The following FPR2 variants were observed in gnomAD, a reference collection of about 807,000 sequenced individuals.
FPR2 encodes N-formyl peptide receptor 2.
Under a neutral mutation model 4.0 loss-of-function variants are expected in FPR2, and 3 were observed. The ratio of observed to expected loss-of-function variants is 0.74; its 90% CI spans 0.34 to 1.92. The LOEUF (loss-of-function observed/expected upper bound fraction) is 1.92. Among genes scored for constraint, FPR2 ranks in the 30% most tolerant of loss-of-function variants. The pLI, the probability that FPR2 is intolerant of heterozygous loss-of-function variation, is 0.07. For missense variants in FPR2, 372 were observed against 435.7 expected, an observed-to-expected ratio of 0.85 and a Z score of 1.30; for synonymous variants, 179 against 171.5, an observed-to-expected ratio of 1.04 and a Z score of -0.34.
intron 1 of FPR2, among the ~76,000 whole-genome samples, chr19:51,764,136 T>C (rs2122355342): frequency 6.6e-6 from 1 of 152,240 alleles, no homozygotes; most frequent in African/African-American, 2.4e-5. Flanking sequence ...CTAGTAGAAA[T>C]AAAATCTTGA....
rs1487355072 is a variant in FPR2, at chr19:51,770,346, T to G, written c.*632T>G. On this transcript the variant is annotated 3_prime_UTR_variant, in exon 2 of 2. Coordinates refer to ENST00000340023, the MANE Select transcript of FPR2 (RefSeq NM_001005738.2). Reference sequence around the variant, plus strand: ...TCTCACAGGAGTTGGTTAGAATTTCTGTGTTTATGTTTATATACTGTTATT... The same window carrying G: ...TCTCACAGGAGTTGGTTAGAATTTCGGTGTTTATGTTTATATACTGTTATT... The G allele has an allele frequency of 6.0e-6, 1 of 167,164 alleles. No homozygotes were observed. Among genetic ancestry groups the G allele is most frequent in the Non-Finnish European group, 1.5e-5 (1 of 68,152 alleles). 10.4% of individuals were successfully genotyped at this position (167,164 alleles called of 1,614,324 possible).
chr19:51,765,740 C>G (rs2083864482), intron 1 of FPR2, among the ~76,000 whole-genome samples: 1 of 152,168 alleles, frequency 6.6e-6, no homozygotes, highest in African/African-American at 2.4e-5. Context: ...TATACTCAGT[C>G]TAGCCTAAAA....
Position 51,769,501 on chromosome 19 carries a change from C to T in FPR2, c.843C>T (p.Asp281=), listed in dbSNP as rs201896254. 9.3e-6 allele frequency: 15 copies of T among 1,614,200 alleles called. No individual in the cohort carries two copies. Among genetic ancestry groups the T allele is most frequent in the Non-Finnish European group, 1.1e-5 (13 of 1,180,042 alleles). Residue 281 remains aspartate, a synonymous_variant, in exon 2 of 2, where the codon GAC becomes GAT. Transcript: ENST00000340023. The surrounding 1 kb of genome is among the most constrained non-coding windows in gnomAD (Gnocchi z 4.4). ...MLFYGKYKII[D]ILVNPTSSLA... ...TCTATGGCAAGTACAAAATCATTGA[C>T]ATCCTGGTTAACCCAACGAGCTCCC...
At chr19:51,768,125 C>T (rs2083878014) in intron 1 of FPR2, among the ~76,000 whole-genome samples, 1 of 152,158 alleles carries the variant, frequency 6.6e-6, no homozygotes, top group Admixed American at 6.5e-5. Flanking sequence ...CAACAATAAC[C>T]TCAAGCCAAA....
rs2083888538 is a variant in FPR2, at chr19:51,769,442, C to A, written c.784C>A (p.Leu262Ile). 6.2e-7 allele frequency: 1 copy of A among 1,614,108 alleles called. No homozygotes were observed. The highest frequency in any genetic ancestry group is 1.3e-5 in the African/African-American group (1 of 74,928). The change falls in exon 2 of 2, where the codon CTT becomes ATT. Residue 262 changes from leucine to isoleucine, a missense_variant. Transcript: ENST00000340023. This position sits in a 1 kb window ranked among gnomAD's most constrained non-coding sequence, Gnocchi z 4.4. ...ICWFPFQLVA[L>I]LGTVWLKEML... is the part of the protein sequence containing the mutation. Reference sequence around the variant, plus strand: ...TTGGTTTCCCTTTCAACTGGTTGCCCTTCTGGGCACCGTCTGGCTCAAAGA... The same window carrying A: ...TTGGTTTCCCTTTCAACTGGTTGCCATTCTGGGCACCGTCTGGCTCAAAGA...
intron 1 of FPR2, among the ~76,000 whole-genome samples, chr19:51,764,337 C>T (rs1027927656): frequency 2.6e-5 from 4 of 152,062 alleles, no homozygotes; most frequent in African/African-American, 9.7e-5. Context: ...CTAGTTATTA[C>T]CATTTTCTCA....
At chr19:51,764,192 G>T (rs570336367) in intron 1 of FPR2, among the ~76,000 whole-genome samples, 36 of 152,338 alleles carry the variant, frequency 2.4e-4, no homozygotes, top group African/African-American at 7.7e-4. Flanking sequence ...CAGGGGGAAA[G>T]TTTGTGGGAA....
At chr19:51,765,240 G>C (rs2083861984) in intron 1 of FPR2, among the ~76,000 whole-genome samples, 1 of 152,178 alleles carries the variant, frequency 6.6e-6, no homozygotes, top group South Asian at 2.1e-4. Flanking sequence ...AGGAACTATG[G>C]GGTGGAAAAG....
chr19:51,761,933 G>A (rs2083840659), intron 1 of FPR2, among the ~76,000 whole-genome samples: 1 of 152,162 alleles, frequency 6.6e-6, no homozygotes, highest in Non-Finnish European at 1.5e-5. Context: ...GTTATGGGTG[G>A]AGCCCAGTGT....
chr19:51,764,471 TA>T (rs2083858403), intron 1 of FPR2, among the ~76,000 whole-genome samples: 1 of 151,960 alleles, frequency 6.6e-6, no homozygotes, highest in Non-Finnish European at 1.5e-5. Flanking sequence ...AGAAGTAGAG[TA>T]ACCTAATGAG....
chr19:51,767,582 A>T (rs2083875011), intron 1 of FPR2, among the ~76,000 whole-genome samples: 1 of 152,110 alleles, frequency 6.6e-6, no homozygotes, highest in South Asian at 2.1e-4. Flanking sequence ...CTGCAGGGTG[A>T]GTAACTAAAC....
In FPR2 at chr19:51,769,317, G is replaced by A. The variant is rs2083887406; in HGVS notation, c.659G>A (p.Cys220Tyr). The change falls in exon 2 of 2, where the codon TGC (cysteine) becomes TAC (tyrosine). Residue 220 changes from cysteine (C) to tyrosine (Y), a missense_variant. Physicochemically the swap from Cys to Tyr is radical, Grantham distance 194 (BLOSUM62 -2). Coordinates refer to ENST00000340023, the MANE Select transcript of FPR2 (RefSeq NM_001005738.2). The surrounding 1 kb of genome is among the most constrained non-coding windows in gnomAD (Gnocchi z 4.4). ...FSLPMSIVAI[C>Y]YGLIAAKIHK... ...TTGCCGATGTCCATTGTTGCCATCTGCTATGGGCTCATTGCAGCCAAGATC... is the reference window on the plus strand; with the variant it reads ...TTGCCGATGTCCATTGTTGCCATCTACTATGGGCTCATTGCAGCCAAGATC... 6.2e-7 allele frequency: 1 copy of A among 1,614,056 alleles called. No homozygotes were observed. Among genetic ancestry groups the A allele is most frequent in the African/African-American group, 1.3e-5 (1 of 74,908 alleles).
chr19:51,769,435 G>A lies in FPR2; in HGVS notation c.777G>A (p.Leu259=). The A allele has an allele frequency of 6.2e-7, 1 of 1,614,144 alleles. No individual in the cohort carries two copies. Among genetic ancestry groups the A allele is most frequent in the Non-Finnish European group, 8.5e-7 (1 of 1,180,028 alleles). Residue 259 remains leucine, a synonymous_variant, in exon 2 of 2, where the codon CTG becomes CTA. Transcript: ENST00000340023. The surrounding 1 kb of genome is among the most constrained non-coding windows in gnomAD (Gnocchi z 4.4). ...TCATCTGTTGGTTTCCCTTTCAACT[G>A]GTTGCCCTTCTGGGCACCGTCTGGC... ...SFFICWFPFQ[L]VALLGTVWLK...
intron 1 of FPR2, among the ~76,000 whole-genome samples, chr19:51,762,055 G>A (rs1315083871): frequency 1.3e-5 from 2 of 149,736 alleles, no homozygotes; most frequent in Non-Finnish European, 3.0e-5. Context: ...ATTAGAAGGT[G>A]TTGAAAATAG....
chr19:51,764,948 T>C (rs1284353536), intron 1 of FPR2, among the ~76,000 whole-genome samples: 1 of 152,110 alleles, frequency 6.6e-6, no homozygotes, highest in Admixed American at 6.6e-5. Flanking sequence ...TGCCTCAGCC[T>C]CCCAAGTAAC....
chr19:51,768,760 G>A lies in FPR2; in HGVS notation c.102G>A (p.Gly34=), dbSNP rs368792026. The change falls in exon 2 of 2, where the codon GGG becomes GGA. Residue 34 remains glycine, a synonymous_variant. Transcript: ENST00000340023. ...GGATCCTCCCATTGGTGGTGCTTGG[G>A]GTCACCTTTGTCCTCGGGGTCCTGG... The part of the protein sequence containing the change: ...VLRILPLVVL[G]VTFVLGVLGN... 17 of 1,613,958 alleles carry A rather than the reference G, an allele frequency of 1.1e-5. No individual in the cohort carries two copies. The highest frequency in any genetic ancestry group is 1.3e-5 in the African/African-American group (1 of 74,886).
chr19:51,769,026 G>A lies in FPR2; in HGVS notation c.368G>A (p.Arg123His), dbSNP rs762976630. Residue 123 changes from arginine to histidine, a missense_variant, in exon 2 of 2, where the codon CGC (arginine) becomes CAC (histidine). By Grantham distance (29) the Arg-to-His change is conservative. Transcript: ENST00000340023. The surrounding 1 kb of genome is among the most constrained non-coding windows in gnomAD (Gnocchi z 4.4). ...VFLIGFIALD[R>H]CICVLHPVWA... ...TTGATTGGTTTCATTGCACTGGACC[G>A]CTGCATTTGTGTCCTGCATCCAGTC... The A allele has an allele frequency of 1.6e-5, 26 of 1,614,182 alleles. No individual in the cohort carries two copies. The highest frequency in any genetic ancestry group is 1.1e-4 in the African/African-American group (8 of 75,034).
Position 51,769,178 on chromosome 19 carries a change from A to G in FPR2, c.520A>G (p.Thr174Ala). The change falls in exon 2 of 2, where the codon ACA (threonine) becomes GCA (alanine). Residue 174 changes from threonine to alanine, a missense_variant. By Grantham distance (58) the Thr-to-Ala change is moderately conservative. Transcript: ENST00000340023. This position sits in a 1 kb window ranked among gnomAD's most constrained non-coding sequence, Gnocchi z 4.4. ...TACAGTAACTATTCCAAATGGGGAC[A>G]CATACTGTACTTTCAACTTTGCATC... ...LTTVTIPNGD[T>A]YCTFNFASWG... 1 of 1,614,220 alleles carries G rather than the reference A, an allele frequency of 6.2e-7. No individual in the cohort carries two copies. Among genetic ancestry groups the G allele is most frequent in the Non-Finnish European group, 8.5e-7 (1 of 1,180,040 alleles).
intron 1 of FPR2, among the ~76,000 whole-genome samples, chr19:51,761,457 T>C (rs2083837813): frequency 6.6e-6 from 1 of 152,248 alleles, no homozygotes; most frequent in Admixed American, 6.5e-5. Context: ...CGTTAATAAC[T>C]TTCATTTTGG....
Sources: gnomAD v4.1 joint callset for allele counts (sites outside exome capture counted in the v4.1 genomes callset) on GRCh38, gnomAD v4.1.1 for gene constraint, Gnocchi (gnomAD v3.1) non-coding constraint, MANE v1.5 for transcripts, NCBI Gene and HGNC (gene_info 2026-07-23, HGNC 2026-07-21) for gene names.